Variants in JAZF1 observed in about 807,000 individuals in gnomAD.
JAZF1 encodes the protein JAZF zinc finger 1.
Under a neutral mutation model 26.4 loss-of-function variants are expected in JAZF1, and 8 were observed. The observed-to-expected ratio is 0.30, with a 90% CI of 0.18 to 0.55. The LOEUF is 0.55. JAZF1 is among the 20% of genes least tolerant of loss of function. JAZF1 has a pLI of 0.94. For synonymous variants in JAZF1, 126 were observed against 122.3 expected (o/e 1.03, Z -0.20); for missense variants, 199 against 322.0 (o/e 0.62, Z 2.92).
In JAZF1 at chr7:27,983,489, A is replaced by G. The variant is rs549924945; in HGVS notation, c.188+8420T>C. ...CTACGTCTGATTGGTGTACCTGAAA[A>G]TGACGGGGAGAATAGAACCAAACTG... On this transcript the variant is annotated intron_variant, in intron 2 of 4. Coordinates refer to ENST00000283928, the MANE Select transcript of JAZF1 (RefSeq NM_175061.4). Among the ~76,000 whole-genome samples the G allele has an allele frequency of 4.6e-5, 7 of 152,324 alleles. No homozygotes were observed. In the East Asian group the frequency reaches 1.2e-3, roughly 25 times the overall value.
At chr7:27,921,082 C>A (rs74582525) in intron 2 of JAZF1, among the ~76,000 whole-genome samples, 1 of 152,160 alleles carries the variant, frequency 6.6e-6, no homozygotes, top group Non-Finnish European at 1.5e-5. Flanking sequence ...TACTACTAAC[C>A]GGCAGTTACA....
At chr7:28,024,703 A>G (rs550470351) in intron 1 of JAZF1, among the ~76,000 whole-genome samples, 1 of 152,264 alleles carries the variant, frequency 6.6e-6, no homozygotes, top group South Asian at 2.1e-4. Flanking sequence ...GTGATGATAA[A>G]ATCTTTATTA....
chr7:27,920,740 C>A (rs1562529474), intron 2 of JAZF1, among the ~76,000 whole-genome samples: 1 of 152,136 alleles, frequency 6.6e-6, no homozygotes, highest in East Asian at 1.9e-4. Context: ...CCGCCGACAA[C>A]AGAGTAAGAT....
At chr7:27,943,432 C>T (rs866620912) in intron 2 of JAZF1, among the ~76,000 whole-genome samples, 4 of 152,266 alleles carry the variant, frequency 2.6e-5, no homozygotes, top group Non-Finnish European at 4.4e-5. Context: ...GGCCCAGATG[C>T]GGGTCTCTCA....
chr7:28,119,192 ATCAC>A (rs1784798276), intron 1 of JAZF1, among the ~76,000 whole-genome samples: 1 of 152,162 alleles, frequency 6.6e-6, no homozygotes, highest in Non-Finnish European at 1.5e-5. Context: ...CCTGCAGACC[ATCAC>A]TCACAAACCT....
At chr7:27,848,635 T>C (rs747094838) in intron 3 of JAZF1, among the ~76,000 whole-genome samples, 6 of 152,204 alleles carry the variant, frequency 3.9e-5, no homozygotes, top group Non-Finnish European at 4.4e-5. Flanking sequence ...TGGTTAATTG[T>C]TTCTGCTGAT....
chr7:27,853,669 A>G (rs2128334641), intron 3 of JAZF1, among the ~76,000 whole-genome samples: 1 of 152,302 alleles, frequency 6.6e-6, no homozygotes, highest in South Asian at 2.1e-4. Context: ...TTCAGTTTCC[A>G]TGTAGTTGTA....
intron 1 of JAZF1, among the ~76,000 whole-genome samples, chr7:28,178,501 ATTAT>A (rs779062006): frequency 7.4e-4 from 112 of 152,276 alleles, no homozygotes; most frequent in Non-Finnish European, 1.1e-3. Flanking sequence ...GTCAAGAGAA[ATTAT>A]TTATTTATAT....
At chr7:28,043,643 A>C (rs1461781630) in intron 1 of JAZF1, among the ~76,000 whole-genome samples, 1 of 152,154 alleles carries the variant, frequency 6.6e-6, no homozygotes, top group Admixed American at 6.5e-5. Flanking sequence ...TTAGGTAAAT[A>C]CCCAAGAGAG....
intron 1 of JAZF1, among the ~76,000 whole-genome samples, chr7:28,064,534 T>C (rs1168844922): frequency 1.3e-5 from 2 of 152,158 alleles, no homozygotes; most frequent in Non-Finnish European, 2.9e-5. Flanking sequence ...AAAAATTCTA[T>C]AAATGTTTAA....
rs138801703 is a variant in JAZF1, at chr7:27,846,029, G to C, written c.386-5162C>G. Among the ~76,000 whole-genome samples the C allele has an allele frequency of 3.4e-3, 517 of 152,170 alleles. 3 individuals are homozygous for C. The highest frequency in any genetic ancestry group is 0.012 in the African/African-American group (491 of 41,502). On this transcript the variant is annotated intron_variant, in intron 3 of 4. Coordinates refer to ENST00000283928, the MANE Select transcript of JAZF1 (RefSeq NM_175061.4). ...CCATACGTTCCTGCTTGGGGGTCCA[G>C]AGGAAAGCTTTCTCACCACTACCAC...
chr7:27,844,334 A>ATTTC (rs1419986832), intron 3 of JAZF1: 1 of 152,250 alleles, frequency 6.6e-6, no homozygotes, highest in Non-Finnish European at 1.5e-5. Flanking sequence ...TTCCCACAAG[A>ATTTC]GGAAAATAAA....
Position 28,170,337 on chromosome 7 carries a change from A to G in JAZF1, c.115+10126T>C, listed in dbSNP as rs486938. ...AATCTGAAGTAAAAGAGAAGTTGAT[A>G]TGTGTGTGTGTGTGTGTGTGTGTGT... is the stretch of plus-strand genomic sequence containing the variant. On this transcript the variant is annotated intron_variant, in intron 1 of 4. Transcript: ENST00000283928. 6.0e-3 allele frequency among the ~76,000 whole-genome samples: 588 copies of G among 98,260 alleles called. 31 individuals are homozygous for G. Among genetic ancestry groups the G allele is most frequent in the Middle Eastern group, 0.016 (3 of 190 alleles). 64.5% of individuals were successfully genotyped at this position (98,260 alleles called of 152,430 possible). A position where few individuals can be genotyped will look rare whatever the true frequency, so the allele number is the denominator to read the frequency against.
intron 3 of JAZF1, among the ~76,000 whole-genome samples, chr7:27,862,054 CAG>C (rs989450877): frequency 1.3e-5 from 2 of 152,172 alleles, no homozygotes; most frequent in African/African-American, 4.8e-5. Flanking sequence ...CCTGGCCTCG[CAG>C]AGTTAGGGAG....
chr7:27,907,555 A>C (rs1019881862), intron 2 of JAZF1, among the ~76,000 whole-genome samples: 10 of 152,204 alleles, frequency 6.6e-5, no homozygotes, highest in Admixed American at 5.2e-4. Flanking sequence ...GCATGGCCTT[A>C]TCCTTAGGTG....
chr7:28,066,134 T>G (rs1302798949), intron 1 of JAZF1, among the ~76,000 whole-genome samples: 1 of 152,152 alleles, frequency 6.6e-6, no homozygotes, highest in African/African-American at 2.4e-5. Context: ...CTAAGCTCAT[T>G]ACAGAAGTGT....
At chr7:27,921,683 C>T (rs190398272) in intron 2 of JAZF1, among the ~76,000 whole-genome samples, 4 of 152,056 alleles carry the variant, frequency 2.6e-5, no homozygotes, top group African/African-American at 4.8e-5. Flanking sequence ...TCATCATCAT[C>T]GTAATTCTTA....
rs889094818 is a variant in JAZF1, at chr7:28,110,521, A to G, written c.115+69942T>C. On this transcript the variant is annotated intron_variant, in intron 1 of 4. Coordinates refer to ENST00000283928, the MANE Select transcript of JAZF1 (RefSeq NM_175061.4). ...AGGAAAGGAAAAGGAAAGGAAAAGGAAAAGGAAAAGGAAAGGAAAAGGAAA... is the reference window on the plus strand; with the variant it reads ...AGGAAAGGAAAAGGAAAGGAAAAGGGAAAGGAAAAGGAAAGGAAAAGGAAA... Among the ~76,000 whole-genome samples, 213 of 60,168 alleles carry G rather than the reference A, an allele frequency of 3.5e-3. 6 individuals carry two copies. Among genetic ancestry groups the G allele is most frequent in the East Asian group, 9.9e-3 (22 of 2,218 alleles). 39.5% of individuals were successfully genotyped at this position (60,168 alleles called of 152,430 possible). A position where few individuals can be genotyped will look rare whatever the true frequency, so the allele number is the denominator to read the frequency against.
At chr7:27,912,353 G>C (rs1562527067) in intron 2 of JAZF1, among the ~76,000 whole-genome samples, 1 of 152,150 alleles carries the variant, frequency 6.6e-6, no homozygotes, top group Non-Finnish European at 1.5e-5. Flanking sequence ...TTCCTTATTG[G>C]AAGTGAAAAG....
Sources: allele counts gnomAD v4.1 joint callset (sites outside exome capture counted in the v4.1 genomes callset), GRCh38; gene constraint gnomAD v4.1.1; transcripts MANE v1.5; gene names NCBI Gene and HGNC (gene_info 2026-07-23, HGNC 2026-07-21).